TBC1D5: variants seen among roughly 807,000 people sequenced by gnomAD.
TBC1D5 encodes TBC1 domain family, member 5.
TBC1D5 carries 75 observed loss-of-function variants against 100.3 expected under a neutral mutation model. That is an observed-to-expected ratio of 0.75 (90% CI 0.62 to 0.91). TBC1D5 has a LOEUF of 0.91. Ranked by LOEUF, TBC1D5 falls within the 40% of genes least tolerant of loss-of-function variation. The pLI is 0.00. For synonymous variants in TBC1D5, 323 were observed against 325.6 expected (o/e 0.99, Z 0.09); for missense variants, 910 against 942.4 (o/e 0.97, Z 0.45).
chr3:17,213,963 G>C (rs2073300350), intron 18 of TBC1D5, among the ~76,000 whole-genome samples: 1 of 148,642 alleles, frequency 6.7e-6, no homozygotes, highest in Admixed American at 6.8e-5. Flanking sequence ...AAAGGACTGG[G>C]ATTTGGGAAA....
chr3:17,703,626 G>A (rs925904385), intron 1 of TBC1D5, among the ~76,000 whole-genome samples: 4 of 152,006 alleles, frequency 2.6e-5, no homozygotes, highest in Non-Finnish European at 5.9e-5. Context: ...CTTACTACAG[G>A]AAGATTCTAA....
At position 17,227,762 on chromosome 3, in the gene TBC1D5, G is replaced by A. The variant is rs115414582; in HGVS notation, c.1588+10401C>T. ...TATTAGGTACTAGGCTTAGTACCTG[G>A]GTGATGAAATAATCTGTTTAGCAAA... On this transcript the variant is annotated intron_variant, in intron 17 of 21. Coordinates refer to ENST00000253692, the Ensembl canonical transcript of TBC1D5. Among the ~76,000 whole-genome samples the A allele has an allele frequency of 3.4e-3, 523 of 151,918 alleles. 3 individuals carry two copies. The highest frequency in any genetic ancestry group is 5.4e-3 in the Non-Finnish European group (366 of 67,942).
intron 13 of TBC1D5, among the ~76,000 whole-genome samples, chr3:17,329,165 T>C (rs890004508): frequency 1.3e-5 from 2 of 152,196 alleles, no homozygotes; most frequent in African/African-American, 2.4e-5. Flanking sequence ...TTATTAATTA[T>C]GGGAGACAAC....
At chr3:17,259,283 A>C (rs1213429496) in intron 15 of TBC1D5, among the ~76,000 whole-genome samples, 1 of 152,220 alleles carries the variant, frequency 6.6e-6, no homozygotes, top group East Asian at 1.9e-4. Context: ...AACATTGCAG[A>C]AATGTCCTTG....
chr3:17,558,977 C>T (rs947401775), intron 2 of TBC1D5, among the ~76,000 whole-genome samples: 3 of 152,114 alleles, frequency 2.0e-5, no homozygotes, highest in African/African-American at 7.2e-5. Context: ...TGTTTAACCA[C>T]ACTCTCAGCC....
intron 18 of TBC1D5, among the ~76,000 whole-genome samples, chr3:17,207,140 A>G (rs1474278254): frequency 6.6e-6 from 1 of 152,104 alleles, no homozygotes; most frequent in East Asian, 1.9e-4. Flanking sequence ...GAGTCTCACT[A>G]TGTTGCCTAG....
At chr3:17,247,490 C>A (rs2076832188) in intron 16 of TBC1D5, among the ~76,000 whole-genome samples, 1 of 152,104 alleles carries the variant, frequency 6.6e-6, no homozygotes, top group Non-Finnish European at 1.5e-5. Flanking sequence ...TCATCTGAGC[C>A]TTTAGTGAGT....
At chr3:17,338,817 T>C (rs2088374419) in intron 13 of TBC1D5, among the ~76,000 whole-genome samples, 1 of 152,174 alleles carries the variant, frequency 6.6e-6, no homozygotes, top group Admixed American at 6.5e-5. Context: ...CTAAATTAGC[T>C]AAAAGGGGAA....
At chr3:17,288,465 C>G (rs2081384652) in intron 15 of TBC1D5, among the ~76,000 whole-genome samples, 2 of 152,150 alleles carry the variant, frequency 1.3e-5, no homozygotes, top group Admixed American at 1.3e-4. Context: ...TCCTGTTTGC[C>G]ATGCTTTTCT....
chr3:17,475,280 A>C (rs200263209), intron 3 of TBC1D5, among the ~76,000 whole-genome samples: 1 of 152,036 alleles, frequency 6.6e-6, no homozygotes, highest in East Asian at 1.9e-4. Flanking sequence ...TCTCAGACTC[A>C]TATATCCATC....
intron 18 of TBC1D5, among the ~76,000 whole-genome samples, chr3:17,203,912 T>A (rs1194515637): frequency 6.6e-6 from 1 of 152,150 alleles, no homozygotes; most frequent in Non-Finnish European, 1.5e-5. Flanking sequence ...ACTGTCTGGG[T>A]ATAGAAGCTC....
At chr3:17,547,249 A>T (rs1254575949) in intron 2 of TBC1D5, among the ~76,000 whole-genome samples, 1 of 152,128 alleles carries the variant, frequency 6.6e-6, no homozygotes, top group African/African-American at 2.4e-5. Context: ...AAAAACAATA[A>T]ATATCAAATA....
At chr3:17,449,516 G>A (rs963144825) in intron 3 of TBC1D5, among the ~76,000 whole-genome samples, 4 of 152,218 alleles carry the variant, frequency 2.6e-5, no homozygotes, top group Admixed American at 6.5e-5. Context: ...ACAGCAATCT[G>A]AAGTCGACCT....
At chr3:17,627,044 AAG>A (rs1297022535) in intron 1 of TBC1D5, among the ~76,000 whole-genome samples, 1 of 152,246 alleles carries the variant, frequency 6.6e-6, no homozygotes, top group Non-Finnish European at 1.5e-5. Flanking sequence ...GGTACAAATT[AAG>A]AGACTTCTAA....
Position 17,376,701 on chromosome 3 carries a change from A to T in TBC1D5, c.613-88T>A, listed in dbSNP as rs1186087558. On this transcript the variant is annotated intron_variant, in intron 9 of 21. Coordinates refer to ENST00000253692, the Ensembl canonical transcript of TBC1D5. ...TAAACTCAGTTAAATACTTCTTCAA[A>T]CCAATTCCCACTAGCAAAATTTCCA... 29 of 1,044,602 alleles carry T rather than the reference A, an allele frequency of 2.8e-5. No individual in the cohort carries two copies. The East Asian group carries it at 7.9e-4, about 28-fold the overall frequency. The allele number at this position is 1,044,602 out of a possible 1,614,324, so 64.7% of individuals were successfully genotyped here.
At chr3:17,455,306 A>ATGTG (rs61057743) in intron 3 of TBC1D5, among the ~76,000 whole-genome samples, 1 of 147,010 alleles carries the variant, frequency 6.8e-6, no homozygotes, top group African/African-American at 2.5e-5. Flanking sequence ...GTATGTATAT[A>ATGTG]TGTAAATATG....
chr3:17,482,939 T>C (rs114559828), intron 3 of TBC1D5, among the ~76,000 whole-genome samples: 314 of 152,298 alleles, frequency 2.1e-3, no homozygotes, highest in African/African-American at 7.4e-3. Flanking sequence ...AGTATGGTGT[T>C]CATTAAAGTC....
At chr3:17,530,827 C>G (rs1395518301) in intron 2 of TBC1D5, among the ~76,000 whole-genome samples, 1 of 152,094 alleles carries the variant, frequency 6.6e-6, no homozygotes, top group Non-Finnish European at 1.5e-5. Flanking sequence ...ATTGATGGGA[C>G]GTATCTCAAA....
At chr3:17,214,294 T>C (rs1183020644) in exon 18 of TBC1D5, 1 of 1,613,360 alleles carries the variant, frequency 6.2e-7, no homozygotes, top group African/African-American at 1.3e-5. Context: ...CAGATGAAGG[T>C]GGAGAGCCAG....
Sources: allele counts gnomAD v4.1 joint callset (sites outside exome capture counted in the v4.1 genomes callset), GRCh38; gene constraint gnomAD v4.1.1; transcripts MANE v1.5; gene names NCBI Gene and HGNC (gene_info 2026-07-23, HGNC 2026-07-21).